RBM47: variants seen among roughly 807,000 people sequenced by gnomAD.
The protein encoded by RBM47 is RNA binding motif protein 47.
In RBM47, 21 loss-of-function variants were observed where a neutral mutation model predicts 47.1. The ratio of observed to expected loss-of-function variants is 0.45; its 90% CI spans 0.32 to 0.64. The LOEUF (loss-of-function observed/expected upper bound fraction) is 0.64. Ranked by LOEUF, RBM47 falls within the 30% of genes least tolerant of loss-of-function variation. RBM47 has a pLI of 0.05. For synonymous variants in RBM47, 375 were observed against 361.7 expected (o/e 1.04, Z -0.42); for missense variants, 708 against 870.9 (o/e 0.81, Z 2.35).
intron 3 of RBM47, among the ~76,000 whole-genome samples, chr4:40,440,226 C>A (rs1402479351): frequency 6.6e-6 from 1 of 152,112 alleles, no homozygotes; most frequent in East Asian, 1.9e-4. Flanking sequence ...AGAAATTATT[C>A]CTAATTTTCC....
intron 2 of RBM47, among the ~76,000 whole-genome samples, chr4:40,488,367 C>G (rs1466106552): frequency 6.6e-6 from 1 of 150,834 alleles, no homozygotes; most frequent in African/African-American, 2.4e-5. Context: ...AGGGGGAGAA[C>G]TTGAGACGCT....
At chr4:40,445,204 T>G (rs898969590) in intron 3 of RBM47, among the ~76,000 whole-genome samples, 2 of 144,122 alleles carry the variant, frequency 1.4e-5, no homozygotes, top group African/African-American at 2.6e-5. Flanking sequence ...AGCCCGAGAG[T>G]CGGAGCTTGC....
intron 2 of RBM47, among the ~76,000 whole-genome samples, chr4:40,469,594 T>C (rs748536401): frequency 7.9e-5 from 12 of 151,742 alleles, no homozygotes; most frequent in Non-Finnish European, 1.8e-4. Context: ...TCACCATGCC[T>C]GGCTAATTTT....
At position 40,425,751 on chromosome 4, in the gene RBM47, A is replaced by C. The variant is rs1404154754; in HGVS notation, c.*153T>G. 8.6e-7 allele frequency: 1 copy of C among 1,166,306 alleles called. No homozygotes were observed. Among genetic ancestry groups the C allele is most frequent in the Non-Finnish European group, 1.2e-6 (1 of 847,826 alleles). The allele number at this position is 1,166,306 out of a possible 1,614,324, so 72.2% of individuals were successfully genotyped here. ...AAAATAGTCTTAAAAAACTAGTGAA[A>C]ACTTCATGTATATAAAATAATTCAG... On this transcript the variant is annotated 3_prime_UTR_variant, in exon 7 of 7. Transcript: ENST00000295971.
At position 40,486,920 on chromosome 4, in the gene RBM47, G is replaced by T. The variant is rs79794058; in HGVS notation, c.-154-20221C>A. ...TTTTTAGCCAGTTCTTAACTGTCAG[G>T]TGATCTCTGATTGTTGCTGTTTTCT... On this transcript the variant is annotated intron_variant, in intron 2 of 6. Transcript: ENST00000295971. Among the ~76,000 whole-genome samples, 1,516 of 152,284 alleles carry T rather than the reference G, an allele frequency of 1.0e-2. 29 individuals carry two copies. The highest frequency in any genetic ancestry group is 0.035 in the African/African-American group (1,446 of 41,536).
chr4:40,588,156 A>G (rs981664498), intron 1 of RBM47, among the ~76,000 whole-genome samples: 30 of 152,204 alleles, frequency 2.0e-4, no homozygotes, highest in African/African-American at 7.2e-4. Flanking sequence ...GTAAATCTGA[A>G]TATCAGATAA....
intron 1 of RBM47, among the ~76,000 whole-genome samples, chr4:40,592,944 T>TATATAG (rs1734304358): frequency 7.5e-4 from 5 of 6,680 alleles, no homozygotes; most frequent in Non-Finnish European, 1.3e-3. Context: ...GACATATATA[T>TATATAG]ATATATATAT....
At chr4:40,533,871 A>G (rs1727650616) in intron 2 of RBM47, among the ~76,000 whole-genome samples, 2 of 150,786 alleles carry the variant, frequency 1.3e-5, no homozygotes, top group African/African-American at 4.9e-5. Flanking sequence ...GCTGGAGTGC[A>G]ATGGTGTGAT....
At chr4:40,602,446 G>A (rs1413329904) in intron 1 of RBM47, among the ~76,000 whole-genome samples, 2 of 151,594 alleles carry the variant, frequency 1.3e-5, no homozygotes, top group East Asian at 3.9e-4. Flanking sequence ...TCAAGATATC[G>A]AGACCATCCT....
chr4:40,506,164 C>T (rs1248302712), intron 2 of RBM47, among the ~76,000 whole-genome samples: 3 of 152,250 alleles, frequency 2.0e-5, no homozygotes, highest in East Asian at 1.9e-4. Context: ...ATTGGAAAAG[C>T]AGAATAAAAG....
intron 1 of RBM47, among the ~76,000 whole-genome samples, chr4:40,614,867 CACCATTT>C (rs1736580563): frequency 6.6e-6 from 1 of 151,818 alleles, no homozygotes; most frequent in Admixed American, 6.6e-5. Context: ...CAATTCTGAC[CACCATTT>C]ACCTTGGGCA....
rs1278585433 is a variant in RBM47, at chr4:40,549,614, CCGGGTTCA to C, written c.-239-5116_-239-5109del. Among the ~76,000 whole-genome samples, 3 of 151,594 alleles carry C rather than the reference CCGGGTTCA, an allele frequency of 2.0e-5. No individual in the cohort carries two copies. In the East Asian group the frequency reaches 5.8e-4, roughly 29 times the overall value. On this transcript the variant is annotated intron_variant, in intron 1 of 6. Coordinates refer to ENST00000295971, the MANE Select transcript of RBM47 (RefSeq NM_001098634.2). ...CTCGGCTCACTGCAACCTACGCCTC[CCGGGTTCA>C]AGCAATTCTCCTGCCTCAGCCTCCC...
chr4:40,578,053 C>T (rs1410236176), intron 1 of RBM47, among the ~76,000 whole-genome samples: 1 of 152,098 alleles, frequency 6.6e-6, no homozygotes, highest in Non-Finnish European at 1.5e-5. Flanking sequence ...CCCAATAGAC[C>T]AGACTGAAAA....
chr4:40,535,555 T>C (rs1451611120), intron 2 of RBM47, among the ~76,000 whole-genome samples: 1 of 150,550 alleles, frequency 6.6e-6, no homozygotes, highest in Non-Finnish European at 1.5e-5. Context: ...TATTTTTTTT[T>C]TTCGTTTTTG....
At chr4:40,549,367 C>T (rs905325688) in intron 1 of RBM47, among the ~76,000 whole-genome samples, 28 of 152,330 alleles carry the variant, frequency 1.8e-4, no homozygotes, top group Non-Finnish European at 3.7e-4. Context: ...GCTGGGATTA[C>T]AGGCGTGAGC....
chr4:40,524,196 A>G (rs1726484321), intron 2 of RBM47, among the ~76,000 whole-genome samples: 1 of 152,202 alleles, frequency 6.6e-6, no homozygotes, highest in Non-Finnish European at 1.5e-5. Flanking sequence ...TACTAGACAC[A>G]GTGCTAAATT....
rs61606406 is a variant in RBM47, at chr4:40,540,409, G to A, written c.-155+4013C>T. Among the ~76,000 whole-genome samples, 435 of 152,182 alleles carry A rather than the reference G, an allele frequency of 2.9e-3. 4 individuals carry two copies. The highest frequency in any genetic ancestry group is 0.01 in the African/African-American group (416 of 41,504). On this transcript the variant is annotated intron_variant, in intron 2 of 6. Transcript: ENST00000295971. ...AATCCCAGCACTTTGGGAGGCCGAG[G>A]TGGGAGGATCACCTGAGGTCAGGAG...
At chr4:40,504,290 C>CT (rs35482960) in intron 2 of RBM47, among the ~76,000 whole-genome samples, 8,325 of 128,216 alleles carry the variant, frequency 0.065, 366 homozygotes, top group East Asian at 0.1. Context: ...TTGTTTCCTT[C>CT]TTTTTTTTTT....
chr4:40,624,854 CTTTTT>C (rs1256743147), intron 1 of RBM47, among the ~76,000 whole-genome samples: 11 of 139,100 alleles, frequency 7.9e-5, no homozygotes, highest in Non-Finnish European at 1.4e-4. Flanking sequence ...CTTTTCTTTT[CTTTTT>C]CTTTTTTTTT....
Sources: allele counts gnomAD v4.1 joint callset (sites outside exome capture counted in the v4.1 genomes callset), GRCh38; gene constraint gnomAD v4.1.1; transcripts MANE v1.5; gene names NCBI Gene and HGNC (gene_info 2026-07-23, HGNC 2026-07-21).